The following ARHGAP26 variants were observed in gnomAD, a reference collection of about 807,000 sequenced individuals.
ARHGAP26 encodes the protein rho GTPase-activating protein 26.
A neutral mutation model predicts 104.8 loss-of-function variants in ARHGAP26; 38 were observed. The observed-to-expected ratio is 0.36, with a 90% CI of 0.28 to 0.48. The LOEUF (loss-of-function observed/expected upper bound fraction) is 0.48, where lower values mean the gene tolerates loss of function less well. Among genes scored for constraint, ARHGAP26 ranks in the 20% least tolerant of loss-of-function variants. ARHGAP26 has a pLI of 0.99. For missense variants in ARHGAP26, 704 were observed against 947.9 expected (o/e 0.74, Z 3.38); for synonymous variants, 341 against 340.0 (o/e 1.00, Z -0.03).
intron 11 of ARHGAP26, among the ~76,000 whole-genome samples, chr5:142,948,162 CCTTTT>C (rs1489117113): frequency 6.6e-6 from 1 of 152,026 alleles, no homozygotes; most frequent in East Asian, 1.9e-4. Context: ...GATGCCTTTT[CCTTTT>C]CTTAGTAATT....
chr5:143,034,848 G>A (rs751064216), intron 12 of ARHGAP26, among the ~76,000 whole-genome samples: 10 of 152,218 alleles, frequency 6.6e-5, no homozygotes, highest in East Asian at 5.8e-4. Context: ...AATGCCTGCC[G>A]CATGAGTTGA....
At chr5:143,041,741 AGTG>A in intron 13 of ARHGAP26, 72 bp from the exon 14 acceptor site, 1 of 994,592 alleles carries the variant, frequency 1.0e-6, no homozygotes, top group Non-Finnish European at 1.5e-6. Context: ...AAAAAAAAAA[AGTG>A]CATTTGGCTG....
intron 11 of ARHGAP26, among the ~76,000 whole-genome samples, chr5:143,011,148 A>G (rs550997387): frequency 3.3e-5 from 5 of 152,112 alleles, no homozygotes; most frequent in Admixed American, 3.3e-4. Context: ...TCTTCCTTCA[A>G]ATGCAATGAC....
intron 1 of ARHGAP26, among the ~76,000 whole-genome samples, chr5:142,805,096 CCTTTCTTTTCTTTTTTTT>C (rs1057017292): frequency 6.6e-6 from 1 of 150,734 alleles, no homozygotes; most frequent in African/African-American, 2.4e-5. Context: ...TTCTTTTTTT[CCTTTCTTTTCTTTTTTTT>C]TTTTTTGAGA....
chr5:142,954,507 T>A (rs928753203), intron 11 of ARHGAP26, among the ~76,000 whole-genome samples: 2 of 152,242 alleles, frequency 1.3e-5, no homozygotes, highest in African/African-American at 4.8e-5. Flanking sequence ...TCTCTCCAGC[T>A]TTGTTTTCTG....
intron 10 of ARHGAP26, among the ~76,000 whole-genome samples, chr5:142,913,800 A>G (rs79497754): frequency 0.029 from 4,453 of 152,294 alleles, 95 homozygotes; most frequent in South Asian, 0.048. Context: ...AAAGACACCA[A>G]ACCACTCGTG....
chr5:142,847,163 T>C (rs930611623), intron 1 of ARHGAP26, among the ~76,000 whole-genome samples: 1 of 152,196 alleles, frequency 6.6e-6, no homozygotes, highest in Admixed American at 6.5e-5. Flanking sequence ...CATGGGATTT[T>C]GAGAGTCAAA....
intron 17 of ARHGAP26, 131 bp from the exon 18 acceptor site, chr5:143,120,857 G>A (rs1796045944): frequency 2.4e-6 from 2 of 821,812 alleles, no homozygotes; most frequent in Non-Finnish European, 3.6e-6. Flanking sequence ...TGTGGCATCT[G>A]ACGATGACCC....
At chr5:142,848,503 G>C (rs929625239) in intron 1 of ARHGAP26, among the ~76,000 whole-genome samples, 2 of 152,068 alleles carry the variant, frequency 1.3e-5, no homozygotes, top group Non-Finnish European at 2.9e-5. Context: ...ACCATAGGTG[G>C]TTCTCCAGCC....
At chr5:143,056,774 T>C (rs1292172149) in intron 16 of ARHGAP26, among the ~76,000 whole-genome samples, 1 of 152,178 alleles carries the variant, frequency 6.6e-6, no homozygotes, top group Non-Finnish European at 1.5e-5. Flanking sequence ...AACTTGTGTC[T>C]CTCCCGGGTT....
chr5:142,851,543 A>G (rs1201877564), intron 1 of ARHGAP26, among the ~76,000 whole-genome samples: 3 of 152,146 alleles, frequency 2.0e-5, no homozygotes, highest in Non-Finnish European at 4.4e-5. Flanking sequence ...TTTGCCCCTC[A>G]TAGGCTCATG....
At chr5:143,053,755 A>G (rs773297362) in intron 14 of ARHGAP26, among the ~76,000 whole-genome samples, 8 of 152,372 alleles carry the variant, frequency 5.3e-5, no homozygotes, top group Middle Eastern at 6.8e-3. Flanking sequence ...GAATAAAATC[A>G]TACCACAGTC....
In ARHGAP26 at chr5:142,878,565, G is replaced by A. The variant is rs115416869; in HGVS notation, c.313-809G>A. ...CGCATGTGTGTGTGTGTGTATAAAT[G>A]TGTAGTGTGTAGTGGTGAACCAGAA... On this transcript the variant is annotated intron_variant, in intron 3 of 22. Coordinates refer to ENST00000645722, the MANE Select transcript of ARHGAP26 (RefSeq NM_001135608.3). Among the ~76,000 whole-genome samples the A allele has an allele frequency of 2.5e-3, 388 of 152,324 alleles. 3 individuals carry two copies. The highest frequency in any genetic ancestry group is 7.9e-3 in the African/African-American group (330 of 41,562).
At chr5:142,953,519 T>G (rs1238414865) in intron 11 of ARHGAP26, among the ~76,000 whole-genome samples, 1 of 152,184 alleles carries the variant, frequency 6.6e-6, no homozygotes, top group Non-Finnish European at 1.5e-5. Flanking sequence ...GGTTTGTAGC[T>G]TTCAACAGTC....
intron 21 of ARHGAP26, among the ~76,000 whole-genome samples, chr5:143,213,350 C>T (rs1374514150): frequency 1.3e-5 from 2 of 152,172 alleles, no homozygotes; most frequent in African/African-American, 4.8e-5. Context: ...CCCACACTCC[C>T]CATACAGGTG....
At chr5:143,130,136 T>G (rs1797157834) in intron 18 of ARHGAP26, among the ~76,000 whole-genome samples, 1 of 152,138 alleles carries the variant, frequency 6.6e-6, no homozygotes, top group African/African-American at 2.4e-5. Flanking sequence ...TCAGCCCAGG[T>G]TTGTCTGACT....
chr5:142,816,022 T>A (rs1184189080), intron 1 of ARHGAP26, among the ~76,000 whole-genome samples: 1 of 152,012 alleles, frequency 6.6e-6, no homozygotes, highest in Admixed American at 6.6e-5. Flanking sequence ...TGTCTCAAAC[T>A]CCTGGGCTGA....
At chr5:142,826,388 T>C (rs949505293) in intron 1 of ARHGAP26, among the ~76,000 whole-genome samples, 7 of 152,214 alleles carry the variant, frequency 4.6e-5, no homozygotes, top group African/African-American at 1.7e-4. Context: ...ATTGTCATAC[T>C]ACCCATTTTG....
chr5:142,828,588 G>A (rs1767762909), intron 1 of ARHGAP26, among the ~76,000 whole-genome samples: 1 of 152,138 alleles, frequency 6.6e-6, no homozygotes, highest in Admixed American at 6.5e-5. Context: ...CTGACAATTA[G>A]TTGTAACTAA....
Sources: allele counts gnomAD v4.1 joint callset (sites outside exome capture counted in the v4.1 genomes callset), GRCh38; gene constraint gnomAD v4.1.1; transcripts MANE v1.5; gene names NCBI Gene and HGNC (gene_info 2026-07-23, HGNC 2026-07-21).